The following SLC25A13 variants were observed in gnomAD, a reference collection of about 807,000 sequenced individuals.
SLC25A13 encodes the protein electrogenic aspartate/glutamate antiporter SLC25A13, mitochondrial.
In SLC25A13, 70 loss-of-function variants were observed where a neutral mutation model predicts 85.5. That is an observed-to-expected ratio of 0.82 (90% CI 0.68 to 1.00). The LOEUF is 1.00. SLC25A13 is among the 50% of genes least tolerant of loss of function. The pLI is 0.00. For synonymous variants in SLC25A13, 259 were observed against 288.7 expected (o/e 0.90, Z 1.04); for missense variants, 765 against 819.8 (o/e 0.93, Z 0.82).
At chr7:96,279,152 C>T (rs946842277) in intron 2 of SLC25A13, among the ~76,000 whole-genome samples, 36 of 152,116 alleles carry the variant, frequency 2.4e-4, no homozygotes, top group Admixed American at 1.0e-3. Context: ...CACTGCTCTC[C>T]GGAAAAGATT....
chr7:96,247,535 C>T (rs958696820), intron 3 of SLC25A13, among the ~76,000 whole-genome samples: 5 of 152,016 alleles, frequency 3.3e-5, no homozygotes, highest in Non-Finnish European at 5.9e-5. Context: ...ATAATTCCAT[C>T]AATTGTATCT....
chr7:96,320,709 T>G (rs991146746), intron 1 of SLC25A13, among the ~76,000 whole-genome samples: 1 of 151,732 alleles, frequency 6.6e-6, no homozygotes, highest in African/African-American at 2.4e-5. Context: ...AAACTCAGAG[T>G]AATTACAGAA....
chr7:96,121,798 C>T, intron 16 of SLC25A13, 41 bp downstream of exon 16: 2 of 1,613,982 alleles, frequency 1.2e-6, no homozygotes, highest in Non-Finnish European at 1.7e-6. Flanking sequence ...AAAAATTTAC[C>T]TGATACCAAA....
intron 2 of SLC25A13, among the ~76,000 whole-genome samples, chr7:96,288,058 T>C (rs1798958056): frequency 6.6e-6 from 1 of 152,164 alleles, no homozygotes; most frequent in Non-Finnish European, 1.5e-5. Context: ...ACCATAGAGA[T>C]CAGCTTAGGT....
intron 9 of SLC25A13, 98 bp downstream of exon 9, chr7:96,189,196 G>C: frequency 1.0e-6 from 1 of 1,004,334 alleles, no homozygotes; most frequent in Non-Finnish European, 1.6e-6. Flanking sequence ...AAATGGTTAA[G>C]TCAGATACCA....
At chr7:96,231,013 AG>A (rs1161792556) in intron 4 of SLC25A13, among the ~76,000 whole-genome samples, 1 of 152,202 alleles carries the variant, frequency 6.6e-6, no homozygotes, top group African/African-American at 2.4e-5. Context: ...TGGGAGGCTG[AG>A]GCACAATAAT....
rs540967432 is a variant in SLC25A13, at chr7:96,160,751, C to T, written c.1311+9294G>A. ...GAAAATAAACATTCAATCTATAGCA[C>T]CCATGAGCCCTTAGTACCATCAGAT... On this transcript the variant is annotated intron_variant, in intron 13 of 17. Transcript: ENST00000265631. Among the ~76,000 whole-genome samples, 254 of 152,274 alleles carry T rather than the reference C, an allele frequency of 1.7e-3. 1 individual carries two copies. The highest frequency in any genetic ancestry group is 5.7e-3 in the African/African-American group (237 of 41,560).
chr7:96,207,931 G>A (rs1022038082), intron 5 of SLC25A13, among the ~76,000 whole-genome samples: 5 of 152,092 alleles, frequency 3.3e-5, no homozygotes, highest in Non-Finnish European at 5.9e-5. Flanking sequence ...TTCTCCATGA[G>A]GGCCACCCAA....
intron 9 of SLC25A13, among the ~76,000 whole-genome samples, chr7:96,186,017 G>A (rs1794629514): frequency 1.3e-5 from 2 of 152,094 alleles, no homozygotes; most frequent in Admixed American, 1.3e-4. Context: ...GTTTTAAGTG[G>A]CAATACCCAG....
chr7:96,283,547 T>G (rs1053274377), intron 2 of SLC25A13: 7 of 350,990 alleles, frequency 2.0e-5, no homozygotes, highest in Non-Finnish European at 3.9e-5. Context: ...AGTAGAGGAG[T>G]CTACAATGCC....
chr7:96,321,991 C>T lies in SLC25A13; in HGVS notation c.-35G>A. The T allele has an allele frequency of 2.0e-6, 3 of 1,535,964 alleles. No homozygotes were observed. Among genetic ancestry groups the T allele is most frequent in the Non-Finnish European group, 2.6e-6 (3 of 1,141,852 alleles). On this transcript the variant is annotated 5_prime_UTR_variant, in exon 1 of 18. The change creates a new upstream start codon in the 5' untranslated region. Transcript: ENST00000265631. Reference sequence around the variant, plus strand: ...CGGTTGCGGGCGACTGCGGGACCCACTGACTGGCTGGCTGGCGTTTGGGAC... The same window carrying T: ...CGGTTGCGGGCGACTGCGGGACCCATTGACTGGCTGGCTGGCGTTTGGGAC...
intron 4 of SLC25A13, among the ~76,000 whole-genome samples, chr7:96,232,783 T>G (rs1269407213): frequency 6.6e-6 from 1 of 152,176 alleles, no homozygotes; most frequent in Admixed American, 6.5e-5. Context: ...CATAGTCCTG[T>G]AAAGTAGTTA....
intron 11 of SLC25A13, 40 bp downstream of exon 11, chr7:96,184,237 T>A: frequency 6.2e-7 from 1 of 1,612,028 alleles, no homozygotes. Context: ...AACCTTTGAG[T>A]GTTATTTCAC....
At chr7:96,241,917 T>C (rs1797013322) in intron 3 of SLC25A13, among the ~76,000 whole-genome samples, 1 of 152,184 alleles carries the variant, frequency 6.6e-6, no homozygotes, top group African/African-American at 2.4e-5. Flanking sequence ...CAGCAGAGGC[T>C]TAGACCCCAT....
chr7:96,281,521 G>A (rs963912370), intron 2 of SLC25A13, among the ~76,000 whole-genome samples: 2 of 151,932 alleles, frequency 1.3e-5, no homozygotes, highest in Non-Finnish European at 2.9e-5. Flanking sequence ...AAATAAACAG[G>A]CAAAACTTAC....
chr7:96,276,363 TG>T (rs1417956524), intron 3 of SLC25A13, among the ~76,000 whole-genome samples: 1 of 152,204 alleles, frequency 6.6e-6, no homozygotes, highest in Non-Finnish European at 1.5e-5. Context: ...GGCTTACACC[TG>T]TAATCCCAAC....
chr7:96,292,273 C>T (rs1361094406), intron 2 of SLC25A13, among the ~76,000 whole-genome samples: 7 of 152,100 alleles, frequency 4.6e-5, no homozygotes, highest in Non-Finnish European at 1.0e-4. Flanking sequence ...AAAGATGGGA[C>T]GTATCTCAAA....
intron 11 of SLC25A13, among the ~76,000 whole-genome samples, chr7:96,175,433 C>T (rs1202139424): frequency 6.6e-6 from 1 of 152,228 alleles, no homozygotes; most frequent in Non-Finnish European, 1.5e-5. Flanking sequence ...CCACATACTA[C>T]AGTACTGTGT....
At chr7:96,155,215 C>T (rs776026334) in intron 13 of SLC25A13, among the ~76,000 whole-genome samples, 14 of 152,074 alleles carry the variant, frequency 9.2e-5, no homozygotes, top group African/African-American at 3.1e-4. Flanking sequence ...AGTACACTTG[C>T]GGAGGGAGGC....
Sources: gnomAD v4.1 joint callset for allele counts (sites outside exome capture counted in the v4.1 genomes callset) on GRCh38, gnomAD v4.1.1 for gene constraint, MANE v1.5 for transcripts, NCBI Gene and HGNC (gene_info 2026-07-23, HGNC 2026-07-21) for gene names.